Variants in KLRC3 observed in about 807,000 individuals in gnomAD.
KLRC3 encodes NKG2-E type II integral membrane protein.
KLRC3 carries 16 observed loss-of-function variants against 23.6 expected under a neutral mutation model. The observed-to-expected ratio is 0.68, with a 90% CI of 0.46 to 1.03. The LOEUF is 1.03. KLRC3 is among the 50% of genes least tolerant of loss of function. The pLI is 0.00. For synonymous variants in KLRC3, 70 were observed against 71.8 expected (o/e 0.98, Z 0.13); for missense variants, 209 against 232.2 (o/e 0.90, Z 0.65).
chr12:10,417,407 C>A (rs1863660958), intron 4 of KLRC3, among the ~76,000 whole-genome samples: 1 of 151,922 alleles, frequency 6.6e-6, no homozygotes, highest in African/African-American at 2.4e-5. Flanking sequence ...ACCAAGTGTC[C>A]GAGTGAGCAT....
chr12:10,418,564 A>C, intron 3 of KLRC3, 66 bp from the exon 4 acceptor site: 1 of 1,450,984 alleles, frequency 6.9e-7, no homozygotes, highest in South Asian at 1.3e-5. Flanking sequence ...TAGTTCACAT[A>C]TTTGCAACAG....
intron 6 of KLRC3, chr12:10,415,476 A>G: frequency 1.5e-6 from 1 of 677,298 alleles, no homozygotes; most frequent in South Asian, 2.2e-5. Context: ...TGCCACAAAC[A>G]TCACGTTCAG....
intron 4 of KLRC3, among the ~76,000 whole-genome samples, chr12:10,417,435 A>G (rs1863661564): frequency 1.3e-5 from 2 of 152,088 alleles, no homozygotes; most frequent in South Asian, 4.1e-4. Context: ...CCTCCACACG[A>G]CAGAAGAAGG....
chr12:10,418,585 T>C, intron 3 of KLRC3, 87 bp from the exon 4 acceptor site: 1 of 1,371,918 alleles, frequency 7.3e-7, no homozygotes, highest in Non-Finnish European at 1.0e-6. Flanking sequence ...TATAAACATA[T>C]ATGTGCTTAA....
chr12:10,414,705 A>G (rs1286208123), intron 6 of KLRC3, among the ~76,000 whole-genome samples: 1 of 151,732 alleles, frequency 6.6e-6, no homozygotes, highest in Non-Finnish European at 1.5e-5. Flanking sequence ...GCACATGTAT[A>G]CATATGTAAC....
At chr12:10,419,414 T>C (rs1281005193) in intron 2 of KLRC3, 9 of 267,970 alleles carry the variant, frequency 3.4e-5, no homozygotes, top group Admixed American at 5.5e-5. Context: ...TATACATATA[T>C]ATAGATTACA....
At chr12:10,413,972 G>A (rs1863607438) in intron 6 of KLRC3, among the ~76,000 whole-genome samples, 1 of 152,018 alleles carries the variant, frequency 6.6e-6, no homozygotes, top group African/African-American at 2.4e-5. Flanking sequence ...CCTTTTTTAT[G>A]GCTAAAGCAG....
At chr12:10,412,925 A>G (rs1863594001) in intron 6 of KLRC3, among the ~76,000 whole-genome samples, 1 of 152,196 alleles carries the variant, frequency 6.6e-6, no homozygotes, top group East Asian at 1.9e-4. Context: ...GCTTAATACA[A>G]GACAGGCCAG....
chr12:10,413,638 T>C (rs61919127), intron 6 of KLRC3, among the ~76,000 whole-genome samples: 2,871 of 152,256 alleles, frequency 0.019, 44 homozygotes, highest in South Asian at 0.04. Context: ...TCTTTATTAT[T>C]ATTATTATAT....
chr12:10,418,339 C>T lies in KLRC3; in HGVS notation c.486+5G>A, dbSNP rs369600351. The T allele has an allele frequency of 1.0e-5, 16 of 1,597,714 alleles. No homozygotes were observed. The highest frequency in any genetic ancestry group is 1.2e-5 in the Non-Finnish European group (14 of 1,168,222). ...CATAAAATGTTTGAAACATTTACATCTTACCATTTCTTCTTCATTATCTAT... is the reference window on the plus strand; with the variant it reads ...CATAAAATGTTTGAAACATTTACATTTTACCATTTCTTCTTCATTATCTAT... On this transcript the variant is annotated splice_donor_5th_base_variant and intron_variant, in intron 4 of 6. Coordinates refer to ENST00000396439, the MANE Select transcript of KLRC3 (RefSeq NM_002261.3).
intron 6 of KLRC3, among the ~76,000 whole-genome samples, chr12:10,415,386 T>C (rs918264670): frequency 6.6e-5 from 10 of 152,198 alleles, no homozygotes; most frequent in Admixed American, 2.6e-4. Flanking sequence ...CTATTTTATT[T>C]TCTGTCTCCA....
Position 10,412,408 on chromosome 12 carries a change from AG to A in KLRC3, c.*163del. Reference sequence around the variant, plus strand: ...CTAATGCTTAAATCAAACTATATAGAGAGGGAAAAGTAATTTTTAAAACATC... The same window carrying A: ...CTAATGCTTAAATCAAACTATATAGAAGGGAAAAGTAATTTTTAAAACATC... On this transcript the variant is annotated 3_prime_UTR_variant, in exon 7 of 7. Coordinates refer to ENST00000396439, the MANE Select transcript of KLRC3 (RefSeq NM_002261.3). The A allele has an allele frequency of 1.6e-6, 1 of 629,070 alleles. No homozygotes were observed. The allele number at this position is 629,070 out of a possible 1,614,324, so 39.0% of individuals were successfully genotyped here.
chr12:10,412,736 G>A (rs771400569), intron 6 of KLRC3, 120 bp from the exon 7 acceptor site: 14 of 614,460 alleles, frequency 2.3e-5, no homozygotes, highest in East Asian at 6.2e-5. Context: ...GCAGTGAGCC[G>A]AGATGAAATT....
At chr12:10,415,568 T>C (rs1190809877) in intron 6 of KLRC3, 136 bp downstream of exon 6, 3 of 1,343,292 alleles carry the variant, frequency 2.2e-6, no homozygotes, top group Non-Finnish European at 2.0e-6. Flanking sequence ...ATTTGGAATT[T>C]TCTTATTATT....
intron 1 of KLRC3, 101 bp downstream of exon 1, chr12:10,420,263 G>A (rs1387282420): frequency 1.5e-6 from 2 of 1,299,504 alleles, no homozygotes; most frequent in Non-Finnish European, 2.1e-6. Context: ...TATGAACTCT[G>A]ATTCTCACAA....
chr12:10,417,789 A>G (rs1344059422), intron 4 of KLRC3, among the ~76,000 whole-genome samples: 1 of 152,258 alleles, frequency 6.6e-6, no homozygotes, highest in African/African-American at 2.4e-5. Flanking sequence ...GAACAGTAAC[A>G]AACTACAGAT....
chr12:10,413,968 T>C (rs1002697720), intron 6 of KLRC3, among the ~76,000 whole-genome samples: 28 of 152,128 alleles, frequency 1.8e-4, no homozygotes, highest in African/African-American at 6.8e-4. Context: ...TCATCCTTTT[T>C]TATGGCTAAA....
intron 4 of KLRC3, among the ~76,000 whole-genome samples, chr12:10,417,637 G>A (rs1863664116): frequency 9.0e-6 from 1 of 110,816 alleles, no homozygotes; most frequent in Admixed American, 1.1e-4. Context: ...GGTTGTGGGT[G>A]AGGAGGATCA....
At chr12:10,415,513 G>T (rs922261301) in intron 6 of KLRC3, 191 bp downstream of exon 6, 17 of 914,704 alleles carry the variant, frequency 1.9e-5, no homozygotes, top group Non-Finnish European at 2.5e-5. Context: ...TAAATGCGAG[G>T]GTATCTGTAC....
Sources: allele counts gnomAD v4.1 joint callset (sites outside exome capture counted in the v4.1 genomes callset), GRCh38; gene constraint gnomAD v4.1.1; transcripts MANE v1.5; gene names NCBI Gene and HGNC (gene_info 2026-07-23, HGNC 2026-07-21).